The following PPP1R1C variants were observed in gnomAD, a reference collection of about 807,000 sequenced individuals.
PPP1R1C encodes protein phosphatase 1 regulatory inhibitor subunit 1C.
In PPP1R1C, 15 loss-of-function variants were observed where a neutral mutation model predicts 17.4. The ratio of observed to expected loss-of-function variants is 0.86; its 90% confidence interval spans 0.58 to 1.33. PPP1R1C has a LOEUF of 1.33. PPP1R1C is among the 40% of genes most tolerant of loss of function. PPP1R1C has a pLI of 0.00. For missense variants in PPP1R1C, 143 were observed against 130.0 expected, an observed-to-expected ratio of 1.10 and a Z score of -0.48; for synonymous variants, 35 against 43.1, an observed-to-expected ratio of 0.81 and a Z score of 0.73.
At chr2:181,968,822 A>C (rs1268145694) in intron 1 of PPP1R1C, among the ~76,000 whole-genome samples, 1 of 152,078 alleles carries the variant, frequency 6.6e-6, no homozygotes, top group African/African-American at 2.4e-5. Flanking sequence ...GTTTTAAATT[A>C]AATTTTCTTT....
Position 181,985,912 on chromosome 2 carries a change from C to T in PPP1R1C, c.-199C>T, listed in dbSNP as rs1379755550. On this transcript the variant is annotated 5_prime_UTR_variant, in exon 1 of 5. Coordinates refer to ENST00000682840, the MANE Select transcript of PPP1R1C (RefSeq NM_001080545.3). The surrounding 1 kb of genome is among the most constrained non-coding windows in gnomAD (Gnocchi z 4.1). ...AGGGATTGGTGGGGGAACAGGCAAGCCAGGCATCACCGTGGATGTTGAAGA... is the reference window on the plus strand; with the variant it reads ...AGGGATTGGTGGGGGAACAGGCAAGTCAGGCATCACCGTGGATGTTGAAGA... The T allele has an allele frequency of 1.2e-5, 7 of 603,304 alleles. No individual in the cohort carries two copies. The highest frequency in any genetic ancestry group is 1.9e-5 in the African/African-American group (1 of 53,932). The allele number at this position is 603,304 out of a possible 1,614,324, so 37.4% of individuals were successfully genotyped here.
chr2:182,058,212 A>G (rs1272044372), intron 2 of PPP1R1C, among the ~76,000 whole-genome samples: 2 of 152,106 alleles, frequency 1.3e-5, no homozygotes, highest in African/African-American at 4.8e-5. Flanking sequence ...CTTGGCTATG[A>G]CAGTCTCTCA....
At chr2:182,099,549 T>C (rs907349536) in intron 4 of PPP1R1C, among the ~76,000 whole-genome samples, 1 of 152,122 alleles carries the variant, frequency 6.6e-6, no homozygotes, top group Non-Finnish European at 1.5e-5. Flanking sequence ...AGAATACAGA[T>C]AAACAACAAC....
intron 1 of PPP1R1C, among the ~76,000 whole-genome samples, chr2:181,964,122 C>G (rs1165604435): frequency 6.6e-6 from 1 of 152,126 alleles, no homozygotes; most frequent in Non-Finnish European, 1.5e-5. Flanking sequence ...AGTACACGTC[C>G]CAGCCTCTTG....
chr2:182,042,336 TG>T (rs1335937888), intron 2 of PPP1R1C, among the ~76,000 whole-genome samples: 1 of 152,194 alleles, frequency 6.6e-6, no homozygotes, highest in Non-Finnish European at 1.5e-5. Flanking sequence ...GAAAAGGATT[TG>T]GATGGAAGTA....
chr2:182,039,530 G>T (rs191670566), intron 2 of PPP1R1C, among the ~76,000 whole-genome samples: 1 of 152,112 alleles, frequency 6.6e-6, no homozygotes, highest in Non-Finnish European at 1.5e-5. Context: ...GACTCTAGGC[G>T]TGTGCCATGA....
At chr2:182,010,134 G>GT (rs34759449) in intron 2 of PPP1R1C, among the ~76,000 whole-genome samples, 62 of 150,332 alleles carry the variant, frequency 4.1e-4, no homozygotes, top group East Asian at 9.8e-4. Context: ...TTTTAGGATA[G>GT]TTTTTTTTTT....
In PPP1R1C at chr2:181,961,724, G is replaced by T; in HGVS notation, n.111+7090G>T. The T allele has an allele frequency of 3.5e-6, 3 of 851,046 alleles. No individual in the cohort carries two copies. The highest frequency in any genetic ancestry group is 4.0e-6 in the Non-Finnish European group (2 of 500,314). The allele number at this position is 851,046 out of a possible 1,614,324, so 52.7% of individuals were successfully genotyped here. ...CGAGTCAGCTCATCATATTGGGCCC[G>T]GATATCTGCTATGATCTTGGCAAGG... On this transcript the variant is annotated intron_variant and non_coding_transcript_variant, in intron 1 of 5. Coordinates refer to the PPP1R1C transcript ENST00000464264. The surrounding 1 kb of genome is among the most constrained non-coding windows in gnomAD (Gnocchi z 5.8).
chr2:181,962,486 A>T lies in PPP1R1C; in HGVS notation n.111+7852A>T. ...GCGAGTGGTGAAGCTCATGCTATCC[A>T]GGGAGGAGAGTGAGAGGACAGGACT... is the stretch of plus-strand genomic sequence containing the variant. On this transcript the variant is annotated intron_variant and non_coding_transcript_variant, in intron 1 of 5. Transcript: ENST00000464264. This position sits in a 1 kb window ranked among gnomAD's most constrained non-coding sequence, Gnocchi z 6.0. 1 of 688,440 alleles carries T rather than the reference A, an allele frequency of 1.5e-6. No homozygotes were observed. The highest frequency in any genetic ancestry group is 1.5e-5 in the South Asian group (1 of 68,856). The allele number at this position is 688,440 out of a possible 1,614,324, so 42.6% of individuals were successfully genotyped here.
At chr2:182,014,355 C>T in intron 2 of PPP1R1C, among the ~76,000 whole-genome samples, 1 of 152,314 alleles carries the variant, frequency 6.6e-6, no homozygotes, top group African/African-American at 2.4e-5. Context: ...GATTACCTAG[C>T]AGAAGCTCTT....
chr2:181,968,876 G>A (rs1684953963), intron 1 of PPP1R1C, among the ~76,000 whole-genome samples: 1 of 151,544 alleles, frequency 6.6e-6, no homozygotes, highest in Admixed American at 6.6e-5. Context: ...TATGTTTTTT[G>A]ATTTGAGGTT....
chr2:181,973,330 G>T (rs1281890320), intron 1 of PPP1R1C, among the ~76,000 whole-genome samples: 1 of 152,104 alleles, frequency 6.6e-6, no homozygotes, highest in East Asian at 1.9e-4. Context: ...CCTACATTCT[G>T]CATGGAAACA....
intron 4 of PPP1R1C, among the ~76,000 whole-genome samples, chr2:182,066,107 T>G (rs1200901334): frequency 6.6e-6 from 1 of 152,146 alleles, no homozygotes; most frequent in African/African-American, 2.4e-5. Flanking sequence ...CAAAATCTTA[T>G]CAGCTTTTTG....
rs1400984101 is a variant in PPP1R1C at position 181,967,644 on chromosome 2, C to T, written n.112-7575C>T. On this transcript the variant is annotated intron_variant and non_coding_transcript_variant, in intron 1 of 5. Transcript: ENST00000464264. This position sits in a 1 kb window ranked among gnomAD's most constrained non-coding sequence, Gnocchi z 5.5. ...CTGTTGTTATCAATTTTCCTTCCTTCCTTCCTCCCTCCCTCCCTCCTTCTC... is the reference window on the plus strand; with the variant it reads ...CTGTTGTTATCAATTTTCCTTCCTTTCTTCCTCCCTCCCTCCCTCCTTCTC... Among the ~76,000 whole-genome samples, 2 of 152,062 alleles carry T rather than the reference C, an allele frequency of 1.3e-5. No homozygotes were observed. Among genetic ancestry groups the T allele is most frequent in the Non-Finnish European group, 2.9e-5 (2 of 68,000 alleles).
intron 2 of PPP1R1C, among the ~76,000 whole-genome samples, chr2:182,032,215 A>T (rs573278867): frequency 6.6e-6 from 1 of 152,320 alleles, no homozygotes; most frequent in South Asian, 2.1e-4. Flanking sequence ...CAATCTAAAG[A>T]AGAGTTAACA....
At chr2:181,956,070 C>G (rs1684665406) in intron 1 of PPP1R1C, among the ~76,000 whole-genome samples, 1 of 152,152 alleles carries the variant, frequency 6.6e-6, no homozygotes, top group South Asian at 2.1e-4. Context: ...TGCCCACAGG[C>G]CTGGCGTGTG....
Position 181,962,042 on chromosome 2 carries a change from T to C in PPP1R1C, n.111+7408T>C, listed in dbSNP as rs1381255509. ...AATCTGCAAAACGATGCCGGCATTGTCCACAGTATTTGCGAAGATCTGAAC... is the reference window on the plus strand; with the variant it reads ...AATCTGCAAAACGATGCCGGCATTGCCCACAGTATTTGCGAAGATCTGAAC... On this transcript the variant is annotated intron_variant and non_coding_transcript_variant, in intron 1 of 5. Coordinates refer to the PPP1R1C transcript ENST00000464264. This position sits in a 1 kb window ranked among gnomAD's most constrained non-coding sequence, Gnocchi z 6.0. The C allele has an allele frequency of 1.7e-4, 122 of 725,986 alleles. No individual in the cohort carries two copies. Among genetic ancestry groups the C allele is most frequent in the Middle Eastern group, 3.3e-4 (1 of 3,072 alleles). The allele number at this position is 725,986 out of a possible 1,614,324, so 45.0% of individuals were successfully genotyped here. A position where few individuals can be genotyped will look rare whatever the true frequency, so the allele number is the denominator to read the frequency against.
chr2:182,038,862 A>C (rs142181925), intron 2 of PPP1R1C, among the ~76,000 whole-genome samples: 176 of 152,344 alleles, frequency 1.2e-3, no homozygotes, highest in African/African-American at 4.1e-3. Flanking sequence ...TGTGGGCAGA[A>C]GCTCCAGGCA....
At chr2:182,105,658 G>C (rs1208440729) in intron 4 of PPP1R1C, among the ~76,000 whole-genome samples, 3 of 152,172 alleles carry the variant, frequency 2.0e-5, no homozygotes, top group Non-Finnish European at 2.9e-5. Flanking sequence ...CATGAAGTTG[G>C]TAGATGACAG....
Sources: allele counts gnomAD v4.1 joint callset (sites outside exome capture counted in the v4.1 genomes callset), GRCh38; gene constraint gnomAD v4.1.1; non-coding constraint Gnocchi (gnomAD v3.1); transcripts MANE v1.5; gene names NCBI Gene and HGNC (gene_info 2026-07-23, HGNC 2026-07-21).